Variants in TNRC6C observed in about 807,000 individuals in gnomAD.
TNRC6C encodes trinucleotide repeat-containing gene 6C protein.
TNRC6C carries 20 observed loss-of-function variants against 153.7 expected under a neutral mutation model. The ratio of observed to expected loss-of-function variants is 0.13; its 90% CI spans 0.09 to 0.19. TNRC6C has a LOEUF of 0.19. Ranked by LOEUF, TNRC6C falls within the 10% of genes least tolerant of loss-of-function variation. The probability of loss-of-function intolerance (pLI) is 1.00; values close to 1 mark genes in which losing one functional copy is unlikely to be tolerated. For synonymous variants in TNRC6C, 811 were observed against 841.4 expected, an observed-to-expected ratio of 0.96 and a Z score of 0.63; for missense variants, 1,987 against 2,172.0, an observed-to-expected ratio of 0.91 and a Z score of 1.69.
intron 8 of TNRC6C, among the ~76,000 whole-genome samples, chr17:78,076,165 G>A (rs2073079615): frequency 6.6e-6 from 1 of 151,438 alleles, no homozygotes; most frequent in Non-Finnish European, 1.5e-5. Flanking sequence ...GCAGTAAGCT[G>A]AGATCGTGCC....
intron 11 of TNRC6C, among the ~76,000 whole-genome samples, 155 bp from the exon 14 acceptor site, chr17:78,086,348 A>AAAAC (rs1168965923): frequency 2.1e-5 from 3 of 139,898 alleles, no homozygotes; most frequent in Non-Finnish European, 3.1e-5. Context: ...AAAAAAAAAA[A>AAAAC]AAAAAAAAAA....
intron 6 of TNRC6C, among the ~76,000 whole-genome samples, chr17:78,071,874 C>G (rs1043973859): frequency 6.6e-6 from 1 of 152,282 alleles, no homozygotes; most frequent in East Asian, 1.9e-4. Context: ...TACTTAGTTC[C>G]TAAGTTTCCA....
rs549099796 is a variant in TNRC6C at position 78,062,808 on chromosome 17, G to T, written c.2396-1914G>T. On this transcript the variant is annotated intron_variant, in intron 3 of 19. Transcript: ENST00000301624. ...GGCCCTTGAACAGTTTGGGATTAGGGTTACCAAAAGTATAACTTAGGACTT... is the reference window on the plus strand; with the variant it reads ...GGCCCTTGAACAGTTTGGGATTAGGTTTACCAAAAGTATAACTTAGGACTT... 3.9e-5 allele frequency among the ~76,000 whole-genome samples: 6 copies of T among 152,260 alleles called. No individual in the cohort carries two copies. In the South Asian group the frequency reaches 1.2e-3, roughly 32 times the overall value.
At chr17:78,003,920 C>T (rs2071453666), upstream of TNRC6C, among the ~76,000 whole-genome samples, 1 of 152,190 alleles carries the variant, frequency 6.6e-6, no homozygotes, top group Non-Finnish European at 1.5e-5. Flanking sequence ...ATACCCTTAT[C>T]CCCAGCAATG....
intron 1 of TNRC6C, among the ~76,000 whole-genome samples, chr17:77,959,857 C>G (rs1045791685): frequency 1.3e-5 from 2 of 152,204 alleles, no homozygotes; most frequent in Admixed American, 1.3e-4. Flanking sequence ...TGGTTGCCGC[C>G]TCTGCTTTAA....
chr17:78,051,357 C>T (rs541145487), exon 3 of TNRC6C: 3 of 1,551,258 alleles, frequency 1.9e-6, no homozygotes, highest in Admixed American at 3.9e-5. Context: ...CCACCACCAC[C>T]ACTACCACGA....
chr17:77,970,526 A>G (rs2070932395), intron 1 of TNRC6C, among the ~76,000 whole-genome samples: 1 of 152,206 alleles, frequency 6.6e-6, no homozygotes, highest in South Asian at 2.1e-4. Context: ...CAGGAGAGAT[A>G]TATGTTAAAT....
intron 2 of TNRC6C, among the ~76,000 whole-genome samples, chr17:78,047,300 A>G (rs2072431827): frequency 6.6e-6 from 1 of 152,244 alleles, no homozygotes; most frequent in Non-Finnish European, 1.5e-5. Flanking sequence ...GTCATAAACC[A>G]GGGTTATAGA....
chr17:78,108,040 C>T (rs887724281), exon 20 of TNRC6C: 2 of 152,224 alleles, frequency 1.3e-5, no homozygotes, highest in African/African-American at 2.4e-5. Context: ...GGACACTGGC[C>T]GTGGCCTTCA....
intron 1 of TNRC6C, among the ~76,000 whole-genome samples, chr17:78,006,531 CTT>C (rs1266331394): frequency 9.2e-5 from 13 of 140,880 alleles, no homozygotes; most frequent in African/African-American, 1.1e-4. Context: ...TCTTCTTCTT[CTT>C]CTTCTTCTTC....
chr17:78,037,280 G>T (rs553954038), intron 2 of TNRC6C, among the ~76,000 whole-genome samples: 1 of 152,208 alleles, frequency 6.6e-6, no homozygotes, highest in Non-Finnish European at 1.5e-5. Flanking sequence ...CAGAACGGTG[G>T]TTTTGTCATG....
rs2072112475 is a variant in TNRC6C at position 78,033,434 on chromosome 17, C to G, written c.-219+1592C>G. Among the ~76,000 whole-genome samples, 3 of 152,226 alleles carry G rather than the reference C, an allele frequency of 2.0e-5. No individual in the cohort carries two copies. In the South Asian group the frequency reaches 6.2e-4, roughly 32 times the overall value. The stretch of plus-strand genomic sequence containing the variant: ...CCTGTAATCCCAGCACTTTGGGAAG[C>G]CAAGGTGGGCGGATCACCTGAGGTC... On this transcript the variant is annotated intron_variant, in intron 2 of 19. Transcript: ENST00000301624.
At chr17:78,050,195 G>T in exon 3 of TNRC6C, 1 of 1,543,836 alleles carries the variant, frequency 6.5e-7, no homozygotes, top group South Asian at 1.3e-5. Flanking sequence ...GTACAGCCTG[G>T]TGGTGAACAC....
At chr17:78,050,002 G>A in exon 3 of TNRC6C, 1 of 1,613,892 alleles carries the variant, frequency 6.2e-7, no homozygotes, top group Non-Finnish European at 8.5e-7. Flanking sequence ...CTGGGGAAGG[G>A]GCAGTGGCAA....
chr17:77,976,766 TAAAAA>T (rs2144086932), intron 1 of TNRC6C, among the ~76,000 whole-genome samples: 1 of 151,756 alleles, frequency 6.6e-6, no homozygotes, highest in East Asian at 1.9e-4. Flanking sequence ...CCATCTCTAC[TAAAAA>T]TACAAAAATT....
At chr17:77,999,021 G>A (rs893116342) in intron 1 of TNRC6C, among the ~76,000 whole-genome samples, 1 of 152,230 alleles carries the variant, frequency 6.6e-6, no homozygotes, top group African/African-American at 2.4e-5. Context: ...CCACATGTAG[G>A]AGTTAGTCTG....
intron 1 of TNRC6C, among the ~76,000 whole-genome samples, chr17:78,012,332 T>G (rs8069862): frequency 0.04 from 6,025 of 152,124 alleles, 371 homozygotes; most frequent in African/African-American, 0.14. Flanking sequence ...AGACACTGGG[T>G]TCTCCTTGAG....
chr17:78,045,229 C>A (rs764949338), intron 2 of TNRC6C, among the ~76,000 whole-genome samples: 1 of 152,170 alleles, frequency 6.6e-6, no homozygotes, highest in African/African-American at 2.4e-5. Context: ...GTGCTTGGAA[C>A]AGGGGCAGTC....
chr17:78,090,044 C>T (rs2073365948), intron 13 of TNRC6C, among the ~76,000 whole-genome samples: 1 of 152,140 alleles, frequency 6.6e-6, no homozygotes, highest in African/African-American at 2.4e-5. Context: ...CAAGCTGAAA[C>T]GAAAAGAACC....
Sources: gnomAD v4.1 joint callset for allele counts (sites outside exome capture counted in the v4.1 genomes callset) on GRCh38, gnomAD v4.1.1 for gene constraint, MANE v1.5 for transcripts, NCBI Gene and HGNC (gene_info 2026-07-23, HGNC 2026-07-21) for gene names.